Variants in DNAH6 observed in about 807,000 individuals in gnomAD.
The protein encoded by DNAH6 is dynein axonemal heavy chain 6, also known as axonemal beta dynein heavy chain 6.
In DNAH6, 340 loss-of-function variants were observed where a neutral mutation model predicts 491.4. The ratio of observed to expected loss-of-function variants is 0.69; its 90% CI spans 0.63 to 0.76. The LOEUF (loss-of-function observed/expected upper bound fraction) is 0.76, where lower values mean the gene tolerates loss of function less well. Ranked by LOEUF, DNAH6 falls within the 30% of genes least tolerant of loss-of-function variation. DNAH6 has a pLI of 0.00. For missense variants in DNAH6, 4,443 were observed against 4,972.2 expected (o/e 0.89, Z 3.20); for synonymous variants, 1,603 against 1,686.1 (o/e 0.95, Z 1.21).
chr2:84,627,955 G>C (rs1240216023), intron 29 of DNAH6, among the ~76,000 whole-genome samples: 2 of 152,204 alleles, frequency 1.3e-5, no homozygotes, highest in Admixed American at 6.5e-5. Context: ...GGAATCCAGA[G>C]AAGAGGTGAG....
intron 2 of DNAH6, among the ~76,000 whole-genome samples, chr2:84,519,644 C>T (rs1194615680): frequency 1.3e-5 from 2 of 149,138 alleles, no homozygotes; most frequent in African/African-American, 4.9e-5. Flanking sequence ...TTCCCCTCCT[C>T]TTCCTTCTTC....
intron 11 of DNAH6, among the ~76,000 whole-genome samples, chr2:84,563,732 A>G (rs528590696): frequency 1.8e-3 from 276 of 152,136 alleles, no homozygotes; most frequent in African/African-American, 6.5e-3. Context: ...TTTTTGTTCC[A>G]ATTGTTTTTG....
At chr2:84,786,358 C>T (rs1029371503) in intron 67 of DNAH6, among the ~76,000 whole-genome samples, 11 of 141,292 alleles carry the variant, frequency 7.8e-5, no homozygotes, top group Admixed American at 1.5e-4. Context: ...CCTGGGAGGT[C>T]AAGGCTGAAT....
At chr2:84,671,896 T>G (rs1692773737) in intron 39 of DNAH6, among the ~76,000 whole-genome samples, 1 of 152,236 alleles carries the variant, frequency 6.6e-6, no homozygotes, top group African/African-American at 2.4e-5. Flanking sequence ...GAATATCTAA[T>G]CTGGTTTCCC....
In DNAH6 at chr2:84,611,845, A is replaced by G. The variant is rs550477178; in HGVS notation, c.3466A>G (p.Thr1156Ala). ...GCTGCCTAATGCTCTTCGAGCCGCT[A>G]CTCAGCCAGGTATGAAACAAAATTC... ...NRLPNALRAA[T>A]QPGLLETFQN... Residue 1156 changes from threonine to alanine, a missense_variant, in exon 22 of 77, where the codon ACT becomes GCT. By Grantham distance (58) the Thr-to-Ala change is moderately conservative (BLOSUM62 0). Transcript: ENST00000389394. The G allele has an allele frequency of 2.0e-5, 31 of 1,550,584 alleles. No homozygotes were observed. The highest frequency in any genetic ancestry group is 2.5e-5 in the Non-Finnish European group (29 of 1,146,386).
At chr2:84,553,409 CTTTCTT>C (rs1679672327) in intron 10 of DNAH6, among the ~76,000 whole-genome samples, 1 of 136,136 alleles carries the variant, frequency 7.3e-6, no homozygotes. Context: ...TTCTTTCTTT[CTTTCTT>C]TCTTTCTTTC....
the DNAH6 span, among the ~76,000 whole-genome samples, chr2:84,461,072 G>C: frequency 6.6e-6 from 1 of 152,158 alleles, no homozygotes; most frequent in South Asian, 2.1e-4. Context: ...TTTAGCAGGG[G>C]ATAAGATAAG....
At chr2:84,526,005 A>C (rs1383334248) in intron 3 of DNAH6, among the ~76,000 whole-genome samples, 1 of 152,154 alleles carries the variant, frequency 6.6e-6, no homozygotes, top group Non-Finnish European at 1.5e-5. Context: ...TTTGAATGTT[A>C]TTATAACTTT....
intron 13 of DNAH6, 131 bp from the exon 14 acceptor site, chr2:84,579,396 A>T: frequency 1.3e-5 from 13 of 971,640 alleles, no homozygotes; most frequent in Non-Finnish European, 2.0e-5. Flanking sequence ...TAAAGAGAAA[A>T]AAAGTCTCTT....
At chr2:84,710,169 A>G (rs1040770609) in intron 55 of DNAH6, 118 bp from the exon 56 acceptor site, 7 of 1,324,008 alleles carry the variant, frequency 5.3e-6, no homozygotes, top group African/African-American at 4.5e-5. Context: ...TACAGTTTAT[A>G]TATTTCAAAT....
the DNAH6 span, among the ~76,000 whole-genome samples, chr2:84,466,045 G>A: frequency 6.6e-6 from 1 of 152,156 alleles, no homozygotes; most frequent in African/African-American, 2.4e-5. Flanking sequence ...CCTGCCATAG[G>A]TTTTTATCCT....
intron 64 of DNAH6, chr2:84,777,787 G>A (rs1259494822): frequency 2.0e-6 from 2 of 1,014,964 alleles, no homozygotes; most frequent in Non-Finnish European, 3.2e-6. Context: ...TACAGTTTTT[G>A]GGGAAGCCAC....
At chr2:84,604,724 T>C (rs1685585049) in intron 19 of DNAH6, among the ~76,000 whole-genome samples, 173 bp downstream of exon 19, 1 of 152,056 alleles carries the variant, frequency 6.6e-6, no homozygotes. Context: ...CCTCTAAAAA[T>C]CTCCTCCTTC....
intron 37 of DNAH6, among the ~76,000 whole-genome samples, chr2:84,662,948 C>T (rs1330599006): frequency 6.6e-6 from 1 of 152,140 alleles, no homozygotes; most frequent in Non-Finnish European, 1.5e-5. Flanking sequence ...TGTTCTGCAG[C>T]CTCTGCTGGT....
intron 18 of DNAH6, among the ~76,000 whole-genome samples, chr2:84,596,786 A>G (rs1684630409): frequency 6.6e-6 from 1 of 152,122 alleles, no homozygotes; most frequent in African/African-American, 2.4e-5. Context: ...AGCTTACAAT[A>G]TCTAGTCAAA....
intron 22 of DNAH6, 115 bp downstream of exon 22, chr2:84,611,969 C>T (rs1375009710): frequency 1.1e-6 from 1 of 904,438 alleles, no homozygotes; most frequent in East Asian, 2.7e-5. Context: ...TCCATTCAAC[C>T]CTTGATTCTA....
the DNAH6 span, among the ~76,000 whole-genome samples, chr2:84,490,283 TTCTC>T: frequency 6.6e-6 from 1 of 152,282 alleles, no homozygotes; most frequent in Middle Eastern, 3.4e-3. Context: ...TTTCTTTTCT[TTCTC>T]TTTTTCTTTT....
intron 15 of DNAH6, among the ~76,000 whole-genome samples, chr2:84,587,002 A>G (rs990153340): frequency 6.6e-6 from 1 of 152,192 alleles, no homozygotes; most frequent in Non-Finnish European, 1.5e-5. Flanking sequence ...GGTTTGTTAT[A>G]TAGGTAAACT....
chr2:84,728,620 TA>T (rs1698863315), intron 61 of DNAH6, among the ~76,000 whole-genome samples: 1 of 152,228 alleles, frequency 6.6e-6, no homozygotes, highest in African/African-American at 2.4e-5. Context: ...TTCACAGATT[TA>T]GCAATAGTTT....
Sources: allele counts gnomAD v4.1 joint callset (sites outside exome capture counted in the v4.1 genomes callset), GRCh38; gene constraint gnomAD v4.1.1; transcripts MANE v1.5; gene names NCBI Gene and HGNC (gene_info 2026-07-23, HGNC 2026-07-21).